NUP160: variants seen among roughly 807,000 people sequenced by gnomAD.
The protein encoded by NUP160 is nucleoporin 160.
Under a neutral mutation model 196.9 loss-of-function variants are expected in NUP160, and 94 were observed. The observed-to-expected ratio is 0.48, with a 90% CI of 0.40 to 0.57. NUP160 has a LOEUF of 0.57. Among genes scored for constraint, NUP160 ranks in the 20% least tolerant of loss-of-function variants. The pLI, the probability that NUP160 is intolerant of heterozygous loss-of-function variation, is 0.00. For missense variants in NUP160, 1,638 were observed against 1,748.3 expected (o/e 0.94, Z 1.13); for synonymous variants, 605 against 619.7 (o/e 0.98, Z 0.35).
chr11:47,841,036 T>C (rs974908082), intron 2 of NUP160, among the ~76,000 whole-genome samples: 2 of 147,840 alleles, frequency 1.4e-5, no homozygotes, highest in Non-Finnish European at 3.0e-5. Context: ...ACACACAGAA[T>C]AGCAATTTTA....
intron 13 of NUP160, among the ~76,000 whole-genome samples, chr11:47,814,070 CAAAAAAA>C (rs5791787): frequency 2.5e-5 from 1 of 39,834 alleles, no homozygotes; most frequent in Non-Finnish European, 4.5e-5. Context: ...GACTCTGTCT[CAAAAAAA>C]AAAAAAAAAA....
chr11:47,813,391 A>C, exon 14 of NUP160: 1 of 1,611,844 alleles, frequency 6.2e-7, no homozygotes, highest in Non-Finnish European at 8.5e-7. Context: ...ACTAAGGATG[A>C]GGGAATAAGG....
At chr11:47,815,484 T>C in exon 13 of NUP160, 1 of 1,590,744 alleles carries the variant, frequency 6.3e-7, no homozygotes, top group Non-Finnish European at 8.5e-7. Flanking sequence ...CTTACTTTTT[T>C]CAGCAGGCAC....
At position 47,784,925 on chromosome 11, in the gene NUP160, G is replaced by A. The variant is rs146411765; in HGVS notation, c.3987C>T (p.Tyr1329=). The A allele has an allele frequency of 2.3e-5, 37 of 1,589,260 alleles. No individual in the cohort carries two copies. In the African/African-American group the frequency reaches 4.9e-4, roughly 21 times the overall value. ...GTACAAGTTATAATCCGTTTACCTT[G>A]TAACTGTTTATAAGCCAATTAGGCA... Residue 1329 remains tyrosine, a synonymous_variant, in exon 33 of 36, where the codon TAC becomes TAT. Transcript: ENST00000378460.
chr11:47,818,268 T>C, intron 10 of NUP160, 144 bp from the exon 11 acceptor site: 2 of 587,410 alleles, frequency 3.4e-6, no homozygotes, highest in Non-Finnish European at 6.2e-6. Flanking sequence ...TGCGGTTACA[T>C]GTTTTCACAC....
At chr11:47,785,364 A>G (rs2097663975) in intron 32 of NUP160, among the ~76,000 whole-genome samples, 2 of 152,092 alleles carry the variant, frequency 1.3e-5, no homozygotes, top group South Asian at 4.1e-4. Flanking sequence ...CTCCAGAGCT[A>G]AAGTGATCCT....
chr11:47,848,308 G>T, exon 1 of NUP160: 1 of 1,613,886 alleles, frequency 6.2e-7, no homozygotes. Flanking sequence ...CAGGGCTCCC[G>T]CCGCCGCCAT....
At chr11:47,812,382 T>C in exon 16 of NUP160, 2 of 1,613,706 alleles carry the variant, frequency 1.2e-6, no homozygotes, top group Non-Finnish European at 1.7e-6. Flanking sequence ...ATGGATTGGG[T>C]TCCTAATCTC....
At chr11:47,784,037 A>C (rs1034772369) in intron 33 of NUP160, among the ~76,000 whole-genome samples, 12 of 151,430 alleles carry the variant, frequency 7.9e-5, no homozygotes, top group South Asian at 4.1e-4. Flanking sequence ...AACAAAAAAA[A>C]CAAAACAAAA....
At chr11:47,814,041 AGCCTGG>A (rs1428358065) in intron 13 of NUP160, among the ~76,000 whole-genome samples, 1 of 125,052 alleles carries the variant, frequency 8.0e-6, no homozygotes, top group Non-Finnish European at 1.6e-5. Context: ...ACTGCACTCC[AGCCTGG>A]GTGACAGAGC....
At position 47,786,513 on chromosome 11, in the gene NUP160, T is replaced by A. The variant is rs753838858; in HGVS notation, c.3788A>T (p.Glu1263Val). ...ATTGGCTGCTAGCCAGGCCCAGGCT[T>A]CTGCTTGTGCTGCCTCTCCTCCAAA... Residue 1263 changes from glutamate to valine, a missense_variant, in exon 32 of 36, where the codon GAA becomes GTA. Glu to Val is a moderately radical substitution (Grantham distance 121). This residue lies in a region of NUP160 where 1,345 missense variants were observed against 1,470.2 expected (regional missense o/e 0.91). Transcript: ENST00000378460. 1.9e-6 allele frequency: 3 copies of A among 1,614,020 alleles called. No individual in the cohort carries two copies. The East Asian group carries it at 6.7e-5, about 36-fold the overall frequency.
intron 2 of NUP160, among the ~76,000 whole-genome samples, chr11:47,845,053 CCT>C (rs935754880): frequency 5.1e-4 from 77 of 152,314 alleles, no homozygotes; most frequent in African/African-American, 1.7e-3. Context: ...ATAATCCACC[CCT>C]GTTTAGCATA....
At chr11:47,822,926 T>A (rs1040921851) in intron 7 of NUP160, among the ~76,000 whole-genome samples, 7 of 152,228 alleles carry the variant, frequency 4.6e-5, no homozygotes, top group African/African-American at 1.7e-4. Flanking sequence ...TGCATAGTAT[T>A]CCATGGTGTA....
chr11:47,785,206 T>C (rs2097663902), intron 32 of NUP160, 143 bp from the exon 33 acceptor site: 2 of 385,542 alleles, frequency 5.2e-6, no homozygotes, highest in Non-Finnish European at 4.7e-6. Flanking sequence ...AGTGGTGTGA[T>C]CTCAGCTCAC....
chr11:47,797,276 G>C (rs2097671417), intron 27 of NUP160, among the ~76,000 whole-genome samples: 1 of 152,114 alleles, frequency 6.6e-6, no homozygotes, highest in Non-Finnish European at 1.5e-5. Flanking sequence ...TTTCGCCCAG[G>C]ATGGAGTGAA....
At chr11:47,801,893 C>A in exon 23 of NUP160, 1 of 1,613,686 alleles carries the variant, frequency 6.2e-7, no homozygotes, top group Non-Finnish European at 8.5e-7. Context: ...TTCCTCTTTG[C>A]CTACTTCAGA....
intron 34 of NUP160, among the ~76,000 whole-genome samples, chr11:47,781,002 G>C (rs933182741): frequency 2.0e-5 from 3 of 151,534 alleles, no homozygotes; most frequent in African/African-American, 7.3e-5. Context: ...CGAGGTGGGC[G>C]GATCACAAGG....
chr11:47,837,198 C>T (rs1001679793), intron 5 of NUP160, among the ~76,000 whole-genome samples, 197 bp from the exon 6 acceptor site: 1 of 152,190 alleles, frequency 6.6e-6, no homozygotes, highest in Admixed American at 6.5e-5. Flanking sequence ...AAAGGCTCTA[C>T]ATAACAATGG....
chr11:47,798,428 T>C (rs1409379736), exon 24 of NUP160: 1 of 1,610,088 alleles, frequency 6.2e-7, no homozygotes, highest in Non-Finnish European at 8.5e-7. Context: ...GAATAACCAG[T>C]TCAGGCAAAC....
Sources: gnomAD v4.1 joint callset for allele counts (sites outside exome capture counted in the v4.1 genomes callset) on GRCh38, gnomAD v4.1.1 for gene constraint, gnomAD v4.1.1 regional missense constraint, MANE v1.5 for transcripts, NCBI Gene and HGNC (gene_info 2026-07-23, HGNC 2026-07-21) for gene names.